Variants in AAGAB observed in about 807,000 individuals in gnomAD.
AAGAB encodes the protein alpha and gamma adaptin binding protein, also known as alpha- and gamma-adaptin-binding protein p34.
AAGAB carries 38 observed loss-of-function variants against 44.1 expected under a neutral mutation model. That is an observed-to-expected ratio of 0.86 (90% confidence interval 0.67 to 1.13). The LOEUF (loss-of-function observed/expected upper bound fraction) is 1.13. Ranked by LOEUF, AAGAB falls within the 50% of genes most tolerant of loss-of-function variation. AAGAB has a pLI of 0.00. For synonymous variants in AAGAB, 131 were observed against 131.8 expected (o/e 0.99, Z 0.04); for missense variants, 450 against 373.8 (o/e 1.20, Z -1.68).
At position 67,222,225 on chromosome 15, in the gene AAGAB, C is replaced by T. The variant is rs980915709; in HGVS notation, c.535+9589G>A. On this transcript the variant is annotated intron_variant, in intron 5 of 9. Coordinates refer to ENST00000261880, the MANE Select transcript of AAGAB (RefSeq NM_024666.5). ...CAGAACTGATTACTACATGCATGCA[C>T]GCGCACGCGCGCGCGCGCACACACA... Among the ~76,000 whole-genome samples the T allele has an allele frequency of 1.9e-4, 21 of 111,458 alleles. 2 individuals carry two copies. Among genetic ancestry groups the T allele is most frequent in the South Asian group, 1.8e-3 (5 of 2,828 alleles). 73.1% of individuals were successfully genotyped at this position (111,458 alleles called of 152,430 possible). A position where few individuals can be genotyped will look rare whatever the true frequency, so the allele number is the denominator to read the frequency against.
In AAGAB at chr15:67,202,862, T is replaced by C. The variant is rs1294057655; in HGVS notation, c.907A>G (p.Arg303Gly). The change falls in exon 10 of 10, where the codon AGA (arginine) becomes GGA (glycine). Residue 303 changes from arginine (R) to glycine (G), a missense_variant. Physicochemically the swap from Arg to Gly is moderately radical, Grantham distance 125 (BLOSUM62 -2). Transcript: ENST00000261880. ...KAFWMAIGGDRDEIEGLSSDE... is the reference protein window; with the variant it reads ...KAFWMAIGGDGDEIEGLSSDE... ...GATGAAAGGCCTTCAATTTCATCTC[T>C]GTCTCCCCCGATTGCCATCCAGAAT... is the stretch of plus-strand genomic sequence containing the variant. The C allele has an allele frequency of 6.2e-7, 1 of 1,614,140 alleles. No homozygotes were observed. The highest frequency in any genetic ancestry group is 8.5e-7 in the Non-Finnish European group (1 of 1,179,978).
At chr15:67,214,447 C>T (rs1472552547) in intron 5 of AAGAB, among the ~76,000 whole-genome samples, 1 of 152,122 alleles carries the variant, frequency 6.6e-6, no homozygotes, top group Admixed American at 6.5e-5. Context: ...TTGACATTTC[C>T]AGCTGGAGAA....
chr15:67,234,043 C>T (rs1964405506), intron 4 of AAGAB, among the ~76,000 whole-genome samples: 2 of 150,762 alleles, frequency 1.3e-5, no homozygotes, highest in South Asian at 2.1e-4. Context: ...GAGATTGAGA[C>T]CATCCTGGCT....
chr15:67,214,357 G>C (rs1963892482), intron 5 of AAGAB, among the ~76,000 whole-genome samples: 1 of 152,186 alleles, frequency 6.6e-6, no homozygotes, highest in African/African-American at 2.4e-5. Flanking sequence ...AAAACAAATG[G>C]TAGACAGGTG....
chr15:67,225,708 A>G (rs1964187860), intron 5 of AAGAB, among the ~76,000 whole-genome samples: 1 of 152,194 alleles, frequency 6.6e-6, no homozygotes, highest in South Asian at 2.1e-4. Flanking sequence ...GTTGATCCAC[A>G]TTGTAGCATA....
intron 1 of AAGAB, among the ~76,000 whole-genome samples, chr15:67,247,707 G>A (rs915932938): frequency 5.3e-5 from 8 of 152,190 alleles, no homozygotes; most frequent in Non-Finnish European, 8.8e-5. Flanking sequence ...AACTTCGCAC[G>A]AAAAGTCAAA....
intron 4 of AAGAB, among the ~76,000 whole-genome samples, chr15:67,233,815 G>A (rs1220022342): frequency 6.6e-6 from 1 of 152,142 alleles, no homozygotes; most frequent in Non-Finnish European, 1.5e-5. Context: ...CAGGAATCTT[G>A]TCTTACTGAG....
intron 1 of AAGAB, among the ~76,000 whole-genome samples, chr15:67,253,636 C>T (rs1301849289): frequency 6.6e-6 from 1 of 151,888 alleles, no homozygotes; most frequent in Non-Finnish European, 1.5e-5. Flanking sequence ...AGCCTGCAGT[C>T]CCAGTTGCTC....
chr15:67,218,534 CA>C (rs1208116880), intron 5 of AAGAB, among the ~76,000 whole-genome samples: 1 of 152,212 alleles, frequency 6.6e-6, no homozygotes, highest in African/African-American at 2.4e-5. Flanking sequence ...CTTACTTACC[CA>C]GTGCCTCTCA....
chr15:67,226,433 T>C (rs1964206433), intron 5 of AAGAB, among the ~76,000 whole-genome samples: 1 of 152,226 alleles, frequency 6.6e-6, no homozygotes, highest in African/African-American at 2.4e-5. Context: ...ACGTTAAGCA[T>C]CTATTCATGT....
chr15:67,236,562 T>C (rs1964471388), intron 2 of AAGAB, 58 bp from the exon 3 acceptor site: 2 of 1,603,486 alleles, frequency 1.2e-6, no homozygotes, highest in Non-Finnish European at 8.5e-7. Flanking sequence ...TCAGACAAAA[T>C]GTAATGGGAA....
At chr15:67,228,645 A>C (rs185925410) in intron 5 of AAGAB, among the ~76,000 whole-genome samples, 2 of 152,344 alleles carry the variant, frequency 1.3e-5, no homozygotes. Flanking sequence ...AAGGAATGTA[A>C]ATCATTCCAC....
chr15:67,234,519 A>C (rs1435359208), intron 4 of AAGAB, among the ~76,000 whole-genome samples: 1 of 152,224 alleles, frequency 6.6e-6, no homozygotes, highest in Non-Finnish European at 1.5e-5. Flanking sequence ...CATGCAAGTA[A>C]AAGATGAGGA....
upstream of AAGAB, chr15:67,254,717 G>C (rs1965040994): frequency 7.0e-7 from 1 of 1,419,366 alleles, no homozygotes; most frequent in Admixed American, 2.0e-5. Flanking sequence ...GAGACAGGCC[G>C]GAGAGGGCGT....
intron 5 of AAGAB, among the ~76,000 whole-genome samples, chr15:67,213,212 T>C (rs979501965): frequency 1.3e-5 from 2 of 152,162 alleles, no homozygotes; most frequent in South Asian, 4.1e-4. Context: ...AGTGGATGCA[T>C]GGATAAAAAT....
At chr15:67,207,893 G>T (rs1424338006) in intron 7 of AAGAB, among the ~76,000 whole-genome samples, 1 of 152,084 alleles carries the variant, frequency 6.6e-6, no homozygotes, top group Non-Finnish European at 1.5e-5. Flanking sequence ...CCAATCACTT[G>T]AGTTTTCTAC....
chr15:67,252,014 C>T (rs182378403), intron 1 of AAGAB, among the ~76,000 whole-genome samples: 5 of 152,238 alleles, frequency 3.3e-5, no homozygotes, highest in East Asian at 1.9e-4. Context: ...ACGACAGTAA[C>T]GAGTTGCAAT....
chr15:67,214,926 C>T (rs1963907960), intron 5 of AAGAB, among the ~76,000 whole-genome samples: 1 of 151,686 alleles, frequency 6.6e-6, no homozygotes, highest in South Asian at 2.1e-4. Context: ...AGGTGTGAGC[C>T]ACGGCACCCG....
chr15:67,222,282 A>ACACACACACACC (rs796412643), intron 5 of AAGAB, among the ~76,000 whole-genome samples: 1,931 of 139,726 alleles, frequency 0.014, 39 homozygotes, highest in Middle Eastern at 0.058. Context: ...ACACACACAC[A>ACACACACACACC]CCCTCCACCC....
Sources: allele counts gnomAD v4.1 joint callset (sites outside exome capture counted in the v4.1 genomes callset), GRCh38; gene constraint gnomAD v4.1.1; transcripts MANE v1.5; gene names NCBI Gene and HGNC (gene_info 2026-07-23, HGNC 2026-07-21).